SORCS2: variants seen among roughly 807,000 people sequenced by gnomAD.
The protein encoded by SORCS2 is VPS10 domain-containing receptor SorCS2.
In SORCS2, 100 loss-of-function variants were observed where a neutral mutation model predicts 141.6. That is an observed-to-expected ratio of 0.71 (90% CI 0.60 to 0.83). SORCS2 has a LOEUF of 0.83. Among genes scored for constraint, SORCS2 ranks in the 40% least tolerant of loss-of-function variants. SORCS2 has a pLI of 0.00. For missense variants in SORCS2, 1,646 were observed against 1,560.2 expected, an observed-to-expected ratio of 1.05 and a Z score of -0.93; for synonymous variants, 789 against 676.9, an observed-to-expected ratio of 1.17 and a Z score of -2.57.
intron 4 of SORCS2, among the ~76,000 whole-genome samples, chr4:7,651,273 C>T (rs886370): frequency 0.6 from 90,863 of 152,088 alleles, 29,730 homozygotes; most frequent in Non-Finnish European, 0.73. Flanking sequence ...AGCACATGAT[C>T]GGGTTGAATC....
At chr4:7,597,844 G>A (rs1271041755) in intron 3 of SORCS2, among the ~76,000 whole-genome samples, 2 of 152,094 alleles carry the variant, frequency 1.3e-5, no homozygotes, top group African/African-American at 4.8e-5. Flanking sequence ...CGTGGAACTG[G>A]TGAGGGAGGA....
intron 1 of SORCS2, among the ~76,000 whole-genome samples, chr4:7,324,437 G>T (rs774425936): frequency 6.6e-6 from 1 of 152,240 alleles, no homozygotes; most frequent in Non-Finnish European, 1.5e-5. Flanking sequence ...GCCGGGGAAG[G>T]GACCGTCTGC....
At chr4:7,253,080 T>G (rs979494387) in intron 1 of SORCS2, among the ~76,000 whole-genome samples, 4 of 152,160 alleles carry the variant, frequency 2.6e-5, no homozygotes, top group African/African-American at 4.8e-5. Flanking sequence ...CATGGCTGGT[T>G]TTTCCTAATT....
chr4:7,327,090 G>T (rs558818299), intron 1 of SORCS2, among the ~76,000 whole-genome samples: 70 of 152,340 alleles, frequency 4.6e-4, no homozygotes, highest in African/African-American at 1.6e-3. Flanking sequence ...TTCACGGGGG[G>T]CTGGCAGGCC....
At chr4:7,422,917 C>T (rs748897581) in intron 2 of SORCS2, among the ~76,000 whole-genome samples, 1 of 152,188 alleles carries the variant, frequency 6.6e-6, no homozygotes, top group Non-Finnish European at 1.5e-5. Flanking sequence ...CGCGGGGATC[C>T]GCAGACCACG....
intron 2 of SORCS2, among the ~76,000 whole-genome samples, chr4:7,518,270 A>G (rs1406766440): frequency 1.3e-5 from 2 of 152,332 alleles, no homozygotes; most frequent in Non-Finnish European, 2.9e-5. Flanking sequence ...GATAGATTCC[A>G]GGTCACAGGG....
At chr4:7,371,474 C>T (rs1208856574) in intron 1 of SORCS2, among the ~76,000 whole-genome samples, 1 of 152,146 alleles carries the variant, frequency 6.6e-6, no homozygotes, top group Non-Finnish European at 1.5e-5. Flanking sequence ...GCTCTGCTTC[C>T]ACATTTCGTT....
chr4:7,528,870 C>T (rs1379909781), intron 2 of SORCS2, among the ~76,000 whole-genome samples: 2 of 152,186 alleles, frequency 1.3e-5, no homozygotes, highest in Non-Finnish European at 1.5e-5. Context: ...CTGAGGGAGC[C>T]TCTGCCCCCT....
At chr4:7,692,573 C>T (rs1014242341) in intron 11 of SORCS2, among the ~76,000 whole-genome samples, 2 of 152,216 alleles carry the variant, frequency 1.3e-5, no homozygotes, top group African/African-American at 4.8e-5. Flanking sequence ...CCAGGCACTG[C>T]ACTGGGTACT....
intron 3 of SORCS2, among the ~76,000 whole-genome samples, chr4:7,559,610 A>G (rs1577748353): frequency 6.6e-6 from 1 of 152,122 alleles, no homozygotes; most frequent in East Asian, 1.9e-4. Flanking sequence ...TGTGGCTGGG[A>G]TCGAGGCATC....
chr4:7,322,880 C>CA (rs1718986153), intron 1 of SORCS2, among the ~76,000 whole-genome samples: 2 of 152,312 alleles, frequency 1.3e-5, no homozygotes, highest in South Asian at 4.1e-4. Flanking sequence ...GGCTCCTCAG[C>CA]CCCTGCCTGC....
intron 1 of SORCS2, among the ~76,000 whole-genome samples, chr4:7,369,313 A>G (rs1722104165): frequency 6.6e-6 from 1 of 152,162 alleles, no homozygotes; most frequent in South Asian, 2.1e-4. Context: ...TCTGTCTGAA[A>G]ACCAAACCAA....
intron 11 of SORCS2, among the ~76,000 whole-genome samples, chr4:7,696,710 C>G (rs1256486675): frequency 6.6e-6 from 1 of 152,210 alleles, no homozygotes; most frequent in Non-Finnish European, 1.5e-5. Context: ...GTCCACCCAG[C>G]AGATAGTGAG....
At chr4:7,658,514 T>G (rs1721949202) in intron 5 of SORCS2, among the ~76,000 whole-genome samples, 2 of 152,206 alleles carry the variant, frequency 1.3e-5, no homozygotes, top group Admixed American at 1.3e-4. Flanking sequence ...TCCAAGGAGC[T>G]TACAAATGGT....
intron 1 of SORCS2, among the ~76,000 whole-genome samples, chr4:7,238,492 C>A (rs536890215): frequency 6.6e-6 from 1 of 152,314 alleles, no homozygotes; most frequent in South Asian, 2.1e-4. Flanking sequence ...TCACTGGTCA[C>A]TGGGTGGCGC....
At chr4:7,542,051 C>T (rs555540152) in intron 3 of SORCS2, among the ~76,000 whole-genome samples, 1 of 152,320 alleles carries the variant, frequency 6.6e-6, no homozygotes, top group South Asian at 2.1e-4. Context: ...GGCAATTGCC[C>T]AGCAGAGCTC....
chr4:7,611,759 T>A (rs1718419588), intron 3 of SORCS2, among the ~76,000 whole-genome samples: 1 of 152,252 alleles, frequency 6.6e-6, no homozygotes, highest in Non-Finnish European at 1.5e-5. Context: ...GAATTCAGTT[T>A]CAGTGCCCGT....
At chr4:7,320,100 C>G (rs574470827) in intron 1 of SORCS2, among the ~76,000 whole-genome samples, 204 of 152,094 alleles carry the variant, frequency 1.3e-3, no homozygotes, top group African/African-American at 4.4e-3. Context: ...ACAAGGAGTT[C>G]AACACCAGCC....
chr4:7,689,459 C>T lies in SORCS2; in HGVS notation c.1489-27C>T, dbSNP rs372789384. On this transcript the variant is annotated intron_variant, in intron 10 of 26. Coordinates refer to ENST00000507866, the MANE Select transcript of SORCS2 (RefSeq NM_020777.3). ...AAGGATGCTCCTACTCATGTGTTGA[C>T]AGTTGCGTCCTTTCTCTTCCTTGCA... is the stretch of plus-strand genomic sequence containing the variant. 6.0e-5 allele frequency: 93 copies of T among 1,562,754 alleles called. No homozygotes were observed. The African/African-American group carries it at 8.3e-4, about 14-fold the overall frequency.
Sources: gnomAD v4.1 joint callset for allele counts (sites outside exome capture counted in the v4.1 genomes callset) on GRCh38, gnomAD v4.1.1 for gene constraint, MANE v1.5 for transcripts, NCBI Gene and HGNC (gene_info 2026-07-23, HGNC 2026-07-21) for gene names.